The following CIMAP1A variants were observed in gnomAD, a reference collection of about 807,000 sequenced individuals.
CIMAP1A encodes cancer/testis antigen 135.
chr11:197,597 C>G, the CIMAP1A span: 1 of 1,613,414 alleles, frequency 6.2e-7, no homozygotes, highest in South Asian at 1.1e-5. Flanking sequence ...CTGCGTGCAC[C>G]GGCCTACAGC....
the CIMAP1A span, chr11:198,712 C>T: frequency 1.3e-6 from 2 of 1,485,578 alleles, no homozygotes; most frequent in Non-Finnish European, 1.8e-6. Flanking sequence ...CCTTCACCCT[C>T]TGGGCACCTG....
At chr11:199,548 C>A in the CIMAP1A span, 2 of 1,539,378 alleles carry the variant, frequency 1.3e-6, no homozygotes, top group Non-Finnish European at 1.7e-6. Context: ...CAGGGTGGGG[C>A]AGGGTCCTGG....
the CIMAP1A span, chr11:199,825 T>C: frequency 9.4e-6 from 14 of 1,482,448 alleles, no homozygotes; most frequent in Admixed American, 1.6e-4. Flanking sequence ...CCTGGGAGCA[T>C]AGCTTCTGGC....
the CIMAP1A span, chr11:199,960 C>T: frequency 6.2e-7 from 1 of 1,614,140 alleles, no homozygotes; most frequent in Non-Finnish European, 8.5e-7. Context: ...CTGACCAAGC[C>T]CTGCGCCCCA....
At chr11:197,450 C>T in the CIMAP1A span, 3 of 1,592,006 alleles carry the variant, frequency 1.9e-6, no homozygotes, top group East Asian at 4.5e-5. Flanking sequence ...GGGTCAGGAG[C>T]CAGGCGGGCA....
chr11:199,211 T>G, the CIMAP1A span: 2 of 1,447,008 alleles, frequency 1.4e-6, no homozygotes, highest in South Asian at 2.9e-5. Context: ...CAGTGGGGTG[T>G]GATCTCCACA....
At chr11:199,301 G>T in the CIMAP1A span, 2 of 1,536,616 alleles carry the variant, frequency 1.3e-6, no homozygotes, top group Non-Finnish European at 1.8e-6. Context: ...GCCTGAGTTT[G>T]CTCCCTGTCC....
At chr11:198,315 C>T in the CIMAP1A span, 11 of 1,613,616 alleles carry the variant, frequency 6.8e-6, no homozygotes, top group Non-Finnish European at 9.3e-6. Flanking sequence ...GCAGCAGCCC[C>T]AACCATCCTC....
the CIMAP1A span, chr11:197,175 T>TGCA: frequency 1.6e-6 from 1 of 629,638 alleles, no homozygotes; most frequent in Non-Finnish European, 2.7e-6. Context: ...CCACTGATGC[T>TGCA]GCAGCAGGTT....
the CIMAP1A span, chr11:199,055 C>T: frequency 5.6e-6 from 7 of 1,246,008 alleles, no homozygotes; most frequent in East Asian, 2.0e-4. Flanking sequence ...ATTTTGCCAG[C>T]CCCAGGCCCT....
At chr11:197,316 G>C in the CIMAP1A span, 10 of 1,581,086 alleles carry the variant, frequency 6.3e-6, no homozygotes, top group Non-Finnish European at 8.6e-6. Context: ...TGACGGAGGA[G>C]GTATGGATGG....
chr11:197,878 T>G, the CIMAP1A span: 1 of 1,488,518 alleles, frequency 6.7e-7, no homozygotes, highest in South Asian at 1.3e-5. Context: ...TCCTGGCCCC[T>G]CCCGTCCCAT....
At chr11:199,778 T>G in the CIMAP1A span, 4 of 1,443,106 alleles carry the variant, frequency 2.8e-6, no homozygotes, top group Non-Finnish European at 3.6e-6. Context: ...CCCTAGACAC[T>G]GTGACAGCTA....
chr11:197,976 G>A, the CIMAP1A span: 5 of 1,530,248 alleles, frequency 3.3e-6, no homozygotes, highest in Admixed American at 7.9e-5. Flanking sequence ...TTCTCTGCCA[G>A]GCCGACGTCA....
the CIMAP1A span, chr11:198,006 A>G: frequency 1.3e-6 from 2 of 1,537,118 alleles, no homozygotes; most frequent in Non-Finnish European, 1.7e-6. Flanking sequence ...CTCCCTGCTC[A>G]AAAATAGCCT....
chr11:198,764 C>A, the CIMAP1A span: 1 of 1,440,786 alleles, frequency 6.9e-7, no homozygotes, highest in Non-Finnish European at 9.1e-7. Context: ...GAGGGGCAGG[C>A]AACAGGCCAG....
the CIMAP1A span, chr11:199,671 G>GGA: frequency 1.3e-6 from 1 of 760,596 alleles, no homozygotes; most frequent in South Asian, 1.8e-5. Flanking sequence ...GTGGGGTGGG[G>GGA]ATGGGAGGCA....
the CIMAP1A span, chr11:197,465 G>A: frequency 2.5e-6 from 4 of 1,591,960 alleles, no homozygotes; most frequent in Admixed American, 5.1e-5. Flanking sequence ...CGGGCAGGTG[G>A]GGGTCCCGGG....
At chr11:199,362 C>G in the CIMAP1A span, 5 of 1,565,990 alleles carry the variant, frequency 3.2e-6, no homozygotes, top group East Asian at 9.5e-5. Context: ...CCTCCTTTAC[C>G]TCTCAGACCC....
Sources: gnomAD v4.1 joint callset for allele counts on GRCh38, gnomAD v4.1.1 for gene constraint, MANE v1.5 for transcripts, NCBI Gene and HGNC (gene_info 2026-07-23, HGNC 2026-07-21) for gene names.